Variants in ARHGAP15 observed in about 807,000 individuals in gnomAD.
The protein encoded by ARHGAP15 is rho GTPase-activating protein 15.
Under a neutral mutation model 63.7 loss-of-function variants are expected in ARHGAP15, and 51 were observed. The ratio of observed to expected loss-of-function variants is 0.80; its 90% confidence interval spans 0.64 to 1.01. ARHGAP15 has a LOEUF of 1.01. ARHGAP15 is among the 50% of genes least tolerant of loss of function. ARHGAP15 has a pLI of 0.00. For synonymous variants in ARHGAP15, 191 were observed against 193.8 expected, an observed-to-expected ratio of 0.99 and a Z score of 0.12; for missense variants, 560 against 564.6, an observed-to-expected ratio of 0.99 and a Z score of 0.08.
intron 9 of ARHGAP15, among the ~76,000 whole-genome samples, chr2:143,498,293 A>T (rs1292711004): frequency 6.6e-6 from 1 of 152,200 alleles, no homozygotes; most frequent in Non-Finnish European, 1.5e-5. Context: ...AAACTGAGTC[A>T]TCAGGAAAAA....
At chr2:143,342,474 T>C (rs879858989) in intron 6 of ARHGAP15, among the ~76,000 whole-genome samples, 5 of 152,104 alleles carry the variant, frequency 3.3e-5, no homozygotes, top group Non-Finnish European at 7.4e-5. Flanking sequence ...CTCTCCTGTA[T>C]GGCGATAGAG....
chr2:143,244,748 A>G (rs1205941801), intron 5 of ARHGAP15, among the ~76,000 whole-genome samples: 1 of 152,200 alleles, frequency 6.6e-6, no homozygotes, highest in Admixed American at 6.5e-5. Flanking sequence ...ATTGAACGAA[A>G]AAAGGTCAAA....
At chr2:143,540,308 A>C (rs953038890) in intron 10 of ARHGAP15, among the ~76,000 whole-genome samples, 9 of 152,184 alleles carry the variant, frequency 5.9e-5, no homozygotes, top group African/African-American at 9.7e-5. Context: ...ATACAGCACT[A>C]TGATGGGTCT....
At chr2:143,695,849 C>G (rs1243969512) in intron 12 of ARHGAP15, among the ~76,000 whole-genome samples, 2 of 145,884 alleles carry the variant, frequency 1.4e-5, no homozygotes, top group African/African-American at 5.0e-5. Context: ...GTGACAGGGA[C>G]AGACCTTGTC....
chr2:143,430,874 A>G (rs1168284445), intron 6 of ARHGAP15, among the ~76,000 whole-genome samples: 3 of 151,960 alleles, frequency 2.0e-5, no homozygotes, highest in Non-Finnish European at 4.4e-5. Flanking sequence ...GATATTTGGC[A>G]TATTTTATTA....
chr2:143,317,412 TAAAC>T (rs1227969096), intron 6 of ARHGAP15, among the ~76,000 whole-genome samples: 1 of 152,194 alleles, frequency 6.6e-6, no homozygotes, highest in Admixed American at 6.5e-5. Context: ...AATACATGAA[TAAAC>T]AATAGGCATA....
chr2:143,656,922 G>A (rs1022558570), intron 12 of ARHGAP15, among the ~76,000 whole-genome samples: 1 of 111,846 alleles, frequency 8.9e-6, no homozygotes, highest in African/African-American at 3.2e-5. Flanking sequence ...AGGTTTCTAA[G>A]ACAAAGTTTC....
At chr2:143,315,142 T>TGC (rs1395504269) in intron 6 of ARHGAP15, among the ~76,000 whole-genome samples, 2 of 152,182 alleles carry the variant, frequency 1.3e-5, no homozygotes, top group Non-Finnish European at 2.9e-5. Context: ...ACTTAATACT[T>TGC]TTCTAAGCAA....
At chr2:143,153,840 TTCTTCCTCC>T (rs1689956268) in intron 1 of ARHGAP15, among the ~76,000 whole-genome samples, 1 of 78,396 alleles carries the variant, frequency 1.3e-5, no homozygotes, top group Non-Finnish European at 2.4e-5. Flanking sequence ...CTTCTTCTTC[TTCTTCCTCC>T]TCCTCCTCCT....
intron 6 of ARHGAP15, among the ~76,000 whole-genome samples, chr2:143,284,412 G>T (rs190176414): frequency 6.6e-6 from 1 of 152,274 alleles, no homozygotes. Flanking sequence ...ACAAAATGCA[G>T]CACTCTGGAA....
intron 2 of ARHGAP15, among the ~76,000 whole-genome samples, chr2:143,156,631 C>G (rs538638632): frequency 6.6e-6 from 1 of 151,914 alleles, no homozygotes; most frequent in East Asian, 2.0e-4. Context: ...ATTTTTCACT[C>G]AAAAAATTAA....
intron 4 of ARHGAP15, chr2:143,228,154 G>A (rs529841581): frequency 6.6e-6 from 1 of 152,618 alleles, no homozygotes; most frequent in African/African-American, 2.4e-5. Context: ...GACACATGAG[G>A]CTGGTTAGTT....
At chr2:143,349,643 C>A (rs575339772) in intron 6 of ARHGAP15, among the ~76,000 whole-genome samples, 18 of 152,196 alleles carry the variant, frequency 1.2e-4, no homozygotes, top group African/African-American at 3.8e-4. Context: ...TAATAAATAT[C>A]TTTTGTATTA....
intron 8 of ARHGAP15, among the ~76,000 whole-genome samples, chr2:143,471,184 GTATATATACACACATATATGTGTGTATA>G (rs1201444764): frequency 7.1e-6 from 1 of 140,722 alleles, no homozygotes; most frequent in Non-Finnish European, 1.6e-5. Context: ...ATATGTGTGT[GTATATATACACACATATATGTGTGTATA>G]TATACACACA....
intron 11 of ARHGAP15, among the ~76,000 whole-genome samples, chr2:143,566,598 G>A (rs1483380879): frequency 6.6e-6 from 1 of 152,086 alleles, no homozygotes; most frequent in Non-Finnish European, 1.5e-5. Flanking sequence ...TCACTGTGTA[G>A]CTCTCTTCCG....
intron 10 of ARHGAP15, among the ~76,000 whole-genome samples, chr2:143,543,686 T>C (rs1695203220): frequency 6.6e-6 from 1 of 152,066 alleles, no homozygotes; most frequent in Non-Finnish European, 1.5e-5. Context: ...TATATGCAAA[T>C]ACCCAGATAT....
intron 6 of ARHGAP15, among the ~76,000 whole-genome samples, chr2:143,395,171 A>G (rs1687706470): frequency 6.6e-6 from 1 of 152,196 alleles, no homozygotes; most frequent in Admixed American, 6.6e-5. Flanking sequence ...TTATTGAGGA[A>G]CAGTCATTAC....
intron 4 of ARHGAP15, among the ~76,000 whole-genome samples, chr2:143,218,662 T>C (rs1298323949): frequency 6.6e-6 from 1 of 152,226 alleles, no homozygotes; most frequent in Non-Finnish European, 1.5e-5. Flanking sequence ...TATGGTGCTA[T>C]AGAGACATGC....
At chr2:143,278,413 C>T (rs1407075771) in intron 6 of ARHGAP15, among the ~76,000 whole-genome samples, 3 of 152,090 alleles carry the variant, frequency 2.0e-5, no homozygotes, top group African/African-American at 7.2e-5. Context: ...AATGGAGGTA[C>T]CATAGTTGAC....
Sources: allele counts gnomAD v4.1 joint callset (sites outside exome capture counted in the v4.1 genomes callset), GRCh38; gene constraint gnomAD v4.1.1; transcripts MANE v1.5; gene names NCBI Gene and HGNC (gene_info 2026-07-23, HGNC 2026-07-21).